Variants in PCDHGA4 observed in about 807,000 individuals in gnomAD.
The protein encoded by PCDHGA4 is protocadherin gamma subfamily A, 4, also known as protocadherin gamma-A4.
A neutral mutation model predicts 54.6 loss-of-function variants in PCDHGA4; 38 were observed. The observed-to-expected ratio is 0.70, with a 90% CI of 0.54 to 0.91. PCDHGA4 has a LOEUF of 0.91. PCDHGA4 is among the 40% of genes least tolerant of loss of function. PCDHGA4 has a pLI of 0.00. For synonymous variants in PCDHGA4, 511 were observed against 512.9 expected (o/e 1.00, Z 0.05); for missense variants, 1,298 against 1,220.9 (o/e 1.06, Z -0.94).
At chr5:141,462,905 T>G (rs542357408) in intron 1 of PCDHGA4, among the ~76,000 whole-genome samples, 265 of 152,356 alleles carry the variant, frequency 1.7e-3, no homozygotes, top group Non-Finnish European at 3.1e-3. Flanking sequence ...AAGGCTATTA[T>G]GTTTTTTGCA....
At chr5:141,450,829 A>ATT (rs373424450) in intron 1 of PCDHGA4, among the ~76,000 whole-genome samples, 8,685 of 135,030 alleles carry the variant, frequency 0.064, 328 homozygotes, top group South Asian at 0.088. Context: ...TATTATTATT[A>ATT]TTTTTTTTTT....
rs763582836 is a variant in PCDHGA4 at position 141,404,442 on chromosome 5, A to G, written c.2514+46821A>G. Reference sequence around the variant, plus strand: ...TACTCCTTGGCAGAGGATACCATCCAAGGGTCTCCTCTCTCCACCTATGTC... The same window carrying G: ...TACTCCTTGGCAGAGGATACCATCCGAGGGTCTCCTCTCTCCACCTATGTC... On this transcript the variant is annotated intron_variant, in intron 1 of 3. Transcript: ENST00000571252. 21 of 1,610,906 alleles carry G rather than the reference A, an allele frequency of 1.3e-5. No homozygotes were observed. In the Admixed American group the frequency reaches 3.5e-4, roughly 27 times the overall value.
At chr5:141,423,470 A>G in intron 1 of PCDHGA4, 1 of 1,614,002 alleles carries the variant, frequency 6.2e-7, no homozygotes, top group Non-Finnish European at 8.5e-7. Context: ...GACGGGGTAC[A>G]GGCTTTCCTG....
At chr5:141,435,010 G>A (rs2097736933) in intron 1 of PCDHGA4, among the ~76,000 whole-genome samples, 1 of 151,950 alleles carries the variant, frequency 6.6e-6, no homozygotes, top group Non-Finnish European at 1.5e-5. Flanking sequence ...ATTTATCAAT[G>A]ATAATGCTCT....
At chr5:141,358,135 A>G (rs1760830618) in intron 1 of PCDHGA4, among the ~76,000 whole-genome samples, 1 of 152,246 alleles carries the variant, frequency 6.6e-6, no homozygotes, top group Non-Finnish European at 1.5e-5. Context: ...GGTTGCAATG[A>G]GCTGAGATCA....
At chr5:141,460,456 T>C (rs2098989632) in intron 1 of PCDHGA4, among the ~76,000 whole-genome samples, 1 of 152,124 alleles carries the variant, frequency 6.6e-6, no homozygotes, top group South Asian at 2.1e-4. Flanking sequence ...AAGATTCATA[T>C]TTTTTTCCAA....
chr5:141,491,980 C>T lies in PCDHGA4; in HGVS notation c.2515-2827C>T. ...AAAAAAGGCCGGGGCCTCCTTCGAG[C>T]TTCCGGTGAATTTCGGGCGATTTCC... On this transcript the variant is annotated intron_variant, in intron 1 of 3. Transcript: ENST00000571252. The surrounding 1 kb of genome is among the most constrained non-coding windows in gnomAD (Gnocchi z 6.9). The T allele has an allele frequency of 2.5e-6, 2 of 784,432 alleles. No individual in the cohort carries two copies. The highest frequency in any genetic ancestry group is 3.8e-6 in the Non-Finnish European group (2 of 530,588). 48.6% of individuals were successfully genotyped at this position (784,432 alleles called of 1,614,324 possible). A position where few individuals can be genotyped will look rare whatever the true frequency, so the allele number is the denominator to read the frequency against.
In PCDHGA4 at chr5:141,491,729, C is replaced by T. The variant is rs766649819; in HGVS notation, c.2515-3078C>T. On this transcript the variant is annotated intron_variant, in intron 1 of 3. Coordinates refer to ENST00000571252, the MANE Select transcript of PCDHGA4 (RefSeq NM_018917.4). This position sits in a 1 kb window ranked among gnomAD's most constrained non-coding sequence, Gnocchi z 6.9. ...AGGGGCTCGGCGCCGCCCCGGGCGA[C>T]CCCTGGGGGCGGCACTGGAGAAGCC... 6.1e-5 allele frequency: 98 copies of T among 1,603,832 alleles called. No homozygotes were observed. Among genetic ancestry groups the T allele is most frequent in the Non-Finnish European group, 7.9e-5 (93 of 1,175,848 alleles).
chr5:141,394,980 C>T, intron 1 of PCDHGA4: 2 of 1,614,012 alleles, frequency 1.2e-6, no homozygotes, highest in Non-Finnish European at 1.7e-6. Flanking sequence ...GCACAAGTCA[C>T]GCCTGCTCCA....
intron 1 of PCDHGA4, chr5:141,362,538 C>T (rs1762553339): frequency 6.2e-7 from 1 of 1,613,736 alleles, no homozygotes; most frequent in South Asian, 1.1e-5. Context: ...TCCCTTTTGC[C>T]TCAGATACTA....
chr5:141,505,597 T>C, intron 3 of PCDHGA4, 116 bp downstream of exon 3: 1 of 1,558,330 alleles, frequency 6.4e-7, no homozygotes, highest in Non-Finnish European at 8.7e-7. Context: ...TCCAGATCTT[T>C]CGGCAGGTCT....
chr5:141,500,005 G>A (rs994274763), intron 2 of PCDHGA4, among the ~76,000 whole-genome samples: 30 of 151,476 alleles, frequency 2.0e-4, no homozygotes, highest in Non-Finnish European at 3.8e-4. Context: ...TCTTTCATAA[G>A]GTCCACATTT....
intron 1 of PCDHGA4, chr5:141,478,233 T>G: frequency 6.2e-7 from 1 of 1,614,126 alleles, no homozygotes. Context: ...GTGGGGTTTG[T>G]GGTCACAGTG....
chr5:141,427,710 G>T, intron 1 of PCDHGA4: 2 of 1,033,628 alleles, frequency 1.9e-6, no homozygotes, highest in South Asian at 2.6e-5. Context: ...CAGCGCCTCT[G>T]ACCTGGACCT....
At chr5:141,370,402 A>G (rs541569664) in intron 1 of PCDHGA4, 2 of 1,554,130 alleles carry the variant, frequency 1.3e-6, no homozygotes, top group Non-Finnish European at 8.7e-7. Flanking sequence ...GGGATGGGAA[A>G]TAGCTCCGGA....
intron 1 of PCDHGA4, chr5:141,399,623 C>A: frequency 6.2e-7 from 1 of 1,613,920 alleles, no homozygotes; most frequent in South Asian, 1.1e-5. Context: ...GCACTGGCCT[C>A]TTACGTGTCC....
At chr5:141,482,345 T>G (rs192115752) in intron 1 of PCDHGA4, among the ~76,000 whole-genome samples, 8 of 152,122 alleles carry the variant, frequency 5.3e-5, no homozygotes, top group Admixed American at 5.2e-4. Context: ...CTTTGCAAAC[T>G]TGTTGTGAGA....
At chr5:141,390,348 A>G in intron 1 of PCDHGA4, 1 of 1,572,378 alleles carries the variant, frequency 6.4e-7, no homozygotes, top group Middle Eastern at 1.7e-4. Flanking sequence ...ACAAGAAAAT[A>G]TACATATTTG....
At chr5:141,403,276 C>T (rs1331205396) in intron 1 of PCDHGA4, 3 of 1,613,844 alleles carry the variant, frequency 1.9e-6, no homozygotes, top group Non-Finnish European at 2.5e-6. Context: ...ACTTTAAAGT[C>T]CTGGTTGAAG....
Sources: gnomAD v4.1 joint callset for allele counts (sites outside exome capture counted in the v4.1 genomes callset) on GRCh38, gnomAD v4.1.1 for gene constraint, Gnocchi (gnomAD v3.1) non-coding constraint, MANE v1.5 for transcripts, NCBI Gene and HGNC (gene_info 2026-07-23, HGNC 2026-07-21) for gene names.